Variants in ABCA8 observed in about 807,000 individuals in gnomAD.
ABCA8 encodes the protein ABC-type organic anion transporter ABCA8.
In ABCA8, 177 loss-of-function variants were observed where a neutral mutation model predicts 192.3. That is an observed-to-expected ratio of 0.92 (90% CI 0.81 to 1.04). The LOEUF (loss-of-function observed/expected upper bound fraction) is 1.04. ABCA8 is among the 50% of genes least tolerant of loss of function. The probability of loss-of-function intolerance (pLI) is 0.00; values close to 1 mark genes in which losing one functional copy is unlikely to be tolerated. For missense variants in ABCA8, 1,915 were observed against 1,904.8 expected (o/e 1.01, Z -0.10); for synonymous variants, 642 against 690.2 (o/e 0.93, Z 1.09).
At chr17:68,939,856 G>A (rs1206461842) in intron 4 of ABCA8, among the ~76,000 whole-genome samples, 1 of 151,846 alleles carries the variant, frequency 6.6e-6, no homozygotes, top group African/African-American at 2.4e-5. Flanking sequence ...CTGATCTATC[G>A]AACACAAGGT....
At position 68,875,695 on chromosome 17, in the gene ABCA8, C is replaced by G. The variant is rs756028935; in HGVS notation, c.4409G>C (p.Gly1470Ala). Residue 1470 changes from glycine (G) to alanine (A), a missense_variant, in exon 36 of 40, where the codon GGT (glycine) becomes GCT (alanine). Transcript: ENST00000586539. ...IRATFRNTER[G>A]ALLTTHYMAE... ...CATGTAGTGGGTGGTTAGGAGGGCA[C>G]CCCTTTCCGTGTTTCTAAAGGTGGC... 5 of 1,614,082 alleles carry G rather than the reference C, an allele frequency of 3.1e-6. No individual in the cohort carries two copies. In the Admixed American group the frequency reaches 6.7e-5, roughly 22 times the overall value.
chr17:68,930,537 G>A (rs4147973), intron 7 of ABCA8, among the ~76,000 whole-genome samples: 76,230 of 151,984 alleles, frequency 0.5, 19,267 homozygotes, highest in South Asian at 0.6. Context: ...CAGCTGCAAA[G>A]CCAACACAAT....
At chr17:68,882,545 A>C in intron 30 of ABCA8, 54 bp downstream of exon 30, 40 of 1,471,414 alleles carry the variant, frequency 2.7e-5, no homozygotes, top group Non-Finnish European at 3.6e-5. Flanking sequence ...CAAAATCATT[A>C]GAGAATTAGA....
chr17:68,890,241 T>A (rs2066591370), intron 24 of ABCA8, among the ~76,000 whole-genome samples: 1 of 152,190 alleles, frequency 6.6e-6, no homozygotes, highest in Non-Finnish European at 1.5e-5. Context: ...CTAACATTAT[T>A]AGTTTTATTG....
chr17:68,892,594 A>C (rs1374102667), intron 23 of ABCA8, among the ~76,000 whole-genome samples: 1 of 152,216 alleles, frequency 6.6e-6, no homozygotes, highest in African/African-American at 2.4e-5. Flanking sequence ...GATAGATAGA[A>C]GTCTGAGGCA....
Position 68,881,135 on chromosome 17 carries a change from T to C in ABCA8, c.4023A>G (p.Lys1341=). The change falls in exon 32 of 40, where the codon AAA becomes AAG. Residue 1341 remains lysine, a synonymous_variant. Transcript: ENST00000586539. ...ATTCACCTACTTGTCCAGCAGTTGG[T>C]TTTGTGTCTCCAGTTATCACCTTAA... ...TSIKVITGDT[K]PTAGQVLLKG... 1 of 1,612,508 alleles carries C rather than the reference T, an allele frequency of 6.2e-7. No homozygotes were observed. Among genetic ancestry groups the C allele is most frequent in the Admixed American group, 1.7e-5 (1 of 60,014 alleles).
At chr17:68,877,447 T>G (rs927358259) in intron 33 of ABCA8, 72 bp downstream of exon 33, 1 of 1,394,944 alleles carries the variant, frequency 7.2e-7, no homozygotes, top group African/African-American at 1.4e-5. Context: ...CTGAATTTCC[T>G]GTGAGGGTCA....
intron 19 of ABCA8, 94 bp downstream of exon 19, chr17:68,905,950 A>T: frequency 8.3e-7 from 1 of 1,197,828 alleles, no homozygotes; most frequent in Non-Finnish European, 1.1e-6. Flanking sequence ...GAAGAGCCTT[A>T]ATCATGAACC....
At chr17:68,894,785 C>A in intron 22 of ABCA8, 95 bp downstream of exon 22, 3 of 1,344,864 alleles carry the variant, frequency 2.2e-6, no homozygotes, top group East Asian at 4.7e-5. Flanking sequence ...ACAGTATTTG[C>A]TTTTCATTTT....
intron 13 of ABCA8, among the ~76,000 whole-genome samples, chr17:68,920,927 G>A (rs9896352): frequency 0.55 from 83,470 of 151,362 alleles, 23,576 homozygotes; most frequent in African/African-American, 0.59. Flanking sequence ...ACTATTCACA[G>A]TAGCAAAGAC....
Position 68,903,153 on chromosome 17 carries a change from C to G in ABCA8, c.2597+148G>C. On this transcript the variant is annotated intron_variant, in intron 20 of 39. Transcript: ENST00000586539. ...TCCTTTGGATGTCAAGATTCTGCCT[C>G]TCTCCTGTGCTTCTTCCACTGTGAT... is the stretch of plus-strand genomic sequence containing the variant. 4 of 880,276 alleles carry G rather than the reference C, an allele frequency of 4.5e-6. No homozygotes were observed. The South Asian group carries it at 7.1e-5, about 16-fold the overall frequency. 54.5% of individuals were successfully genotyped at this position (880,276 alleles called of 1,614,324 possible).
At chr17:68,877,904 T>C in intron 32 of ABCA8, 1 of 427,086 alleles carries the variant, frequency 2.3e-6, no homozygotes, top group Non-Finnish European at 4.0e-6. Flanking sequence ...AAAAATCCAA[T>C]ATCCCATAAA....
intron 37 of ABCA8, 26 bp from the exon 38 acceptor site, chr17:68,869,805 A>C (rs1412213119): frequency 1.3e-6 from 2 of 1,503,684 alleles, no homozygotes; most frequent in South Asian, 2.3e-5. Flanking sequence ...AGGTAAGAAG[A>C]GTGATACCAC....
chr17:68,903,347 C>T lies in ABCA8; in HGVS notation c.2551G>A (p.Val851Ile). 1.9e-6 allele frequency: 3 copies of T among 1,614,180 alleles called. No individual in the cohort carries two copies. Among genetic ancestry groups the T allele is most frequent in the Non-Finnish European group, 2.5e-6 (3 of 1,180,030 alleles). Residue 851 changes from valine (V) to isoleucine (I), a missense_variant, in exon 20 of 40, where the codon GTT (valine) becomes ATT (isoleucine). Val to Ile is a conservative substitution (Grantham distance 29). Transcript: ENST00000586539. ...WRQQICAIAR[V>I]RLLKLKHERK... ...TCATGCTTTAACTTTAACAAGCGAA[C>T]CCTTGCAATTGCGCAGATTTGCTGT...
In ABCA8 at chr17:68,887,147, T is replaced by C; in HGVS notation, c.3316-17A>G. 1 of 1,545,076 alleles carries C rather than the reference T, an allele frequency of 6.5e-7. No individual in the cohort carries two copies. The highest frequency in any genetic ancestry group is 8.8e-7 in the Non-Finnish European group (1 of 1,132,594). On this transcript the variant is annotated splice_polypyrimidine_tract_variant and intron_variant, in intron 25 of 39. Transcript: ENST00000586539. ...ACATGGGATCTAAAATCAACAGGAA[T>C]GTGAAGCTTAGTTAAATACAAATGC...
chr17:68,904,634 T>C (rs994599121), intron 19 of ABCA8, among the ~76,000 whole-genome samples: 2 of 152,140 alleles, frequency 1.3e-5, no homozygotes, highest in Admixed American at 1.3e-4. Context: ...TATAACTGAC[T>C]AGAATCATGG....
In ABCA8 at chr17:68,911,075, GA is replaced by G. The variant is rs1279576546; in HGVS notation, c.2139-3197del. 6.6e-6 allele frequency among the ~76,000 whole-genome samples: 1 copy of G among 152,130 alleles called. No individual in the cohort carries two copies. Among genetic ancestry groups the G allele is most frequent in the Admixed American group, 6.5e-5 (1 of 15,278 alleles). Reference sequence around the variant, plus strand: ...GGAAAAGAGAGGGAAGAGTAAAGGGGACTTTGTCTTGCAGCTTAGGTACCAG... The same window carrying G: ...GGAAAAGAGAGGGAAGAGTAAAGGGGCTTTGTCTTGCAGCTTAGGTACCAG... On this transcript the variant is annotated intron_variant, in intron 17 of 39. Coordinates refer to ENST00000586539, the MANE Select transcript of ABCA8 (RefSeq NM_001288985.2). The surrounding 1 kb of genome is among the most constrained non-coding windows in gnomAD (Gnocchi z 5.7).
At chr17:68,908,387 C>A (rs2067144389) in intron 17 of ABCA8, among the ~76,000 whole-genome samples, 1 of 152,150 alleles carries the variant, frequency 6.6e-6, no homozygotes, top group Admixed American at 6.6e-5. Context: ...TTACTAAGTT[C>A]TTAGTATGTG....
At chr17:68,951,382 G>A (rs1167258774) in intron 1 of ABCA8, among the ~76,000 whole-genome samples, 4 of 152,076 alleles carry the variant, frequency 2.6e-5, no homozygotes, top group East Asian at 1.9e-4. Context: ...AGACTTCCTC[G>A]CTGGTGCAGC....
Sources: gnomAD v4.1 joint callset for allele counts (sites outside exome capture counted in the v4.1 genomes callset) on GRCh38, gnomAD v4.1.1 for gene constraint, Gnocchi (gnomAD v3.1) non-coding constraint, MANE v1.5 for transcripts, NCBI Gene and HGNC (gene_info 2026-07-23, HGNC 2026-07-21) for gene names.